SLC7A14: variants seen among roughly 807,000 people sequenced by gnomAD.
SLC7A14 encodes gamma-aminobutyric acid transporter SLC7A14.
Under a neutral mutation model 60.2 loss-of-function variants are expected in SLC7A14, and 37 were observed. The ratio of observed to expected loss-of-function variants is 0.61; its 90% confidence interval spans 0.47 to 0.81. SLC7A14 has a LOEUF of 0.81. SLC7A14 is among the 30% of genes least tolerant of loss of function. SLC7A14 has a pLI of 0.00. For missense variants in SLC7A14, 886 were observed against 982.7 expected (o/e 0.90, Z 1.32); for synonymous variants, 399 against 395.8 (o/e 1.01, Z -0.10).
At chr3:170,495,498 T>G (rs1712356752) in intron 4 of SLC7A14, 1 of 859,980 alleles carries the variant, frequency 1.2e-6, no homozygotes, top group Admixed American at 2.2e-5. Flanking sequence ...CCCCCAGGCC[T>G]TTAGCAGCCG....
chr3:170,538,607 A>T (rs1255000863), intron 1 of SLC7A14, among the ~76,000 whole-genome samples: 1 of 152,044 alleles, frequency 6.6e-6, no homozygotes, highest in African/African-American at 2.4e-5. Flanking sequence ...GCCTCACTCT[A>T]CTCTTGGCTT....
intron 4 of SLC7A14, chr3:170,495,501 A>G: frequency 1.2e-6 from 1 of 836,344 alleles, no homozygotes; most frequent in Non-Finnish European, 1.9e-6. Flanking sequence ...CCAGGCCTTT[A>G]GCAGCCGCTT....
chr3:170,559,501 G>A (rs933172041), intron 1 of SLC7A14, among the ~76,000 whole-genome samples: 10 of 152,208 alleles, frequency 6.6e-5, no homozygotes, highest in Admixed American at 2.0e-4. Flanking sequence ...TTATATAAGA[G>A]ATGCGGCAGT....
intron 1 of SLC7A14, among the ~76,000 whole-genome samples, chr3:170,544,598 A>G (rs533739803): frequency 6.6e-6 from 1 of 152,382 alleles, no homozygotes; most frequent in African/African-American, 2.4e-5. Context: ...AGTTGAAAGT[A>G]CATGACTGAC....
At chr3:170,549,698 A>G (rs540650432) in intron 1 of SLC7A14, among the ~76,000 whole-genome samples, 1 of 152,218 alleles carries the variant, frequency 6.6e-6, no homozygotes, top group Admixed American at 6.5e-5. Context: ...TTGAACAGTG[A>G]CACGAAGATT....
chr3:170,567,243 G>A (rs982856305), intron 1 of SLC7A14, among the ~76,000 whole-genome samples: 1 of 147,650 alleles, frequency 6.8e-6, no homozygotes, highest in African/African-American at 2.5e-5. Context: ...CCACCTATGA[G>A]TGAGAATATG....
chr3:170,568,221 A>G (rs1278709567), intron 1 of SLC7A14, among the ~76,000 whole-genome samples: 1 of 152,144 alleles, frequency 6.6e-6, no homozygotes, highest in African/African-American at 2.4e-5. Flanking sequence ...TCAGCTTTCT[A>G]CATATGGCTA....
intron 2 of SLC7A14, among the ~76,000 whole-genome samples, chr3:170,503,971 TG>T (rs780501179): frequency 1.2e-4 from 18 of 152,198 alleles, no homozygotes; most frequent in Admixed American, 5.2e-4. Flanking sequence ...GACTGTAGTT[TG>T]GGGAGAACAC....
chr3:170,532,233 C>T lies in SLC7A14; in HGVS notation c.-152-5145G>A, dbSNP rs976202389. 6.6e-6 allele frequency among the ~76,000 whole-genome samples: 1 copy of T among 152,114 alleles called. No individual in the cohort carries two copies. ...CTACAAGATTCTTTTAATTGATGTCCCCAGGAAAAATGAGGCTGCAGTTAG... is the reference window on the plus strand; with the variant it reads ...CTACAAGATTCTTTTAATTGATGTCTCCAGGAAAAATGAGGCTGCAGTTAG... On this transcript the variant is annotated intron_variant, in intron 1 of 7. Coordinates refer to ENST00000231706, the MANE Select transcript of SLC7A14 (RefSeq NM_020949.3). This position sits in a 1 kb window ranked among gnomAD's most constrained non-coding sequence, Gnocchi z 4.0.
At chr3:170,579,895 G>A (rs1398041203) in intron 1 of SLC7A14, among the ~76,000 whole-genome samples, 1 of 152,202 alleles carries the variant, frequency 6.6e-6, no homozygotes, top group Non-Finnish European at 1.5e-5. Context: ...GAAATGCAAG[G>A]CCCTTGGGCT....
At chr3:170,492,888 C>G (rs1712265364) in intron 4 of SLC7A14, among the ~76,000 whole-genome samples, 1 of 152,188 alleles carries the variant, frequency 6.6e-6, no homozygotes, top group Non-Finnish European at 1.5e-5. Flanking sequence ...ACAGCATTTT[C>G]TACCACCCTC....
chr3:170,480,314 G>A lies in SLC7A14; in HGVS notation c.1968C>T (p.Ile656=), dbSNP rs770455188. ...CCACAAAGCACCAGACCGCAAACCG[G>A]ATCCATGTGATGGTGGAGAGCTTTA... ...LMLKLSTITW[I]RFAVWCFVGL... is the part of the protein sequence containing the mutation. The change falls in exon 7 of 8, where the codon ATC becomes ATT. Residue 656 remains isoleucine (I), a synonymous_variant. Transcript: ENST00000231706. The A allele has an allele frequency of 2.6e-6, 4 of 1,543,978 alleles. No homozygotes were observed. Among genetic ancestry groups the A allele is most frequent in the African/African-American group, 2.8e-5 (2 of 72,648 alleles).
At chr3:170,568,836 C>T (rs1714866388) in intron 1 of SLC7A14, among the ~76,000 whole-genome samples, 1 of 152,118 alleles carries the variant, frequency 6.6e-6, no homozygotes, top group Non-Finnish European at 1.5e-5. Flanking sequence ...TATAAGAATG[C>T]TTGTGATTTT....
At chr3:170,553,743 C>G (rs1292542392) in intron 1 of SLC7A14, among the ~76,000 whole-genome samples, 1 of 152,168 alleles carries the variant, frequency 6.6e-6, no homozygotes, top group Admixed American at 6.5e-5. Context: ...GTCTGAATTG[C>G]AGCTGCTATG....
intron 4 of SLC7A14, chr3:170,496,742 A>G (rs1232082006): frequency 1.3e-6 from 1 of 764,762 alleles, no homozygotes; most frequent in African/African-American, 1.7e-5. Flanking sequence ...GGCCTCAGCT[A>G]TGGCCTAAGC....
rs545852852 is a variant in SLC7A14 at position 170,582,372 on chromosome 3, T to C, written c.-153+3539A>G. On this transcript the variant is annotated intron_variant, in intron 1 of 7. Coordinates refer to ENST00000231706, the MANE Select transcript of SLC7A14 (RefSeq NM_020949.3). ...TGTCCAACACAGTTGTCATTAGCCA[T>C]ATAGAGTTATTGAGCACTTGAAATA... 5.9e-5 allele frequency among the ~76,000 whole-genome samples: 9 copies of C among 152,312 alleles called. No homozygotes were observed. In the South Asian group the frequency reaches 1.7e-3, roughly 28 times the overall value.
At position 170,501,215 on chromosome 3, in the gene SLC7A14, A is replaced by C; in HGVS notation, c.435T>G (p.Ile145Met). 6.2e-7 allele frequency: 1 copy of C among 1,614,212 alleles called. No individual in the cohort carries two copies. The part of the protein sequence containing the change: ...IGWNLILEYL[I>M]GTAAGASALS... Reference sequence around the variant, plus strand: ...GAGCACTGGCTCCGGCCGCAGTGCCAATCAGGTACTCCAGGATCAGGTTCC... The same window carrying C: ...GAGCACTGGCTCCGGCCGCAGTGCCCATCAGGTACTCCAGGATCAGGTTCC... The change falls in exon 3 of 8, where the codon ATT becomes ATG. Residue 145 changes from isoleucine to methionine, a missense_variant. By Grantham distance (10) the Ile-to-Met change is conservative (BLOSUM62 1). Transcript: ENST00000231706.
At chr3:170,547,429 T>C (rs1714212720) in intron 1 of SLC7A14, among the ~76,000 whole-genome samples, 1 of 152,190 alleles carries the variant, frequency 6.6e-6, no homozygotes, top group Non-Finnish European at 1.5e-5. Context: ...ACCAGAAGCC[T>C]TACCAACACC....
At chr3:170,577,661 GGAA>G (rs1715136171) in intron 1 of SLC7A14, among the ~76,000 whole-genome samples, 1 of 151,002 alleles carries the variant, frequency 6.6e-6, no homozygotes, top group Non-Finnish European at 1.5e-5. Flanking sequence ...AAACCACAGA[GGAA>G]GAAGTAGAGT....
Sources: gnomAD v4.1 joint callset for allele counts (sites outside exome capture counted in the v4.1 genomes callset) on GRCh38, gnomAD v4.1.1 for gene constraint, Gnocchi (gnomAD v3.1) non-coding constraint, MANE v1.5 for transcripts, NCBI Gene and HGNC (gene_info 2026-07-23, HGNC 2026-07-21) for gene names.